IDO2: variants seen among roughly 807,000 people sequenced by gnomAD.
The protein encoded by IDO2 is indoleamine 2,3-dioxygenase-like 1 protein.
A neutral mutation model predicts 45.1 loss-of-function variants in IDO2; 46 were observed. That is an observed-to-expected ratio of 1.02 (90% CI 0.80 to 1.30). The LOEUF is 1.30. IDO2 is among the 50% of genes most tolerant of loss of function. The pLI is 0.00. For missense variants in IDO2, 544 were observed against 491.8 expected, an observed-to-expected ratio of 1.11 and a Z score of -1.00; for synonymous variants, 218 against 184.9, an observed-to-expected ratio of 1.18 and a Z score of -1.45.
At chr8:39,979,332 G>A (rs1359640074) in intron 4 of IDO2, 146 bp downstream of exon 4, 10 of 539,864 alleles carry the variant, frequency 1.9e-5, no homozygotes, top group Non-Finnish European at 2.8e-5. Context: ...AACGATGAAG[G>A]GCTCATTTAT....
At chr8:39,982,625 C>T (rs1348555762) in intron 4 of IDO2, 27 bp from the exon 5 acceptor site, 2 of 1,411,328 alleles carry the variant, frequency 1.4e-6, no homozygotes, top group South Asian at 2.5e-5. Flanking sequence ...CTAGAATATG[C>T]TATTTGTCTG....
chr8:40,011,022 T>A (rs1409707830), intron 9 of IDO2, among the ~76,000 whole-genome samples: 1 of 152,190 alleles, frequency 6.6e-6, no homozygotes, highest in Non-Finnish European at 1.5e-5. Context: ...GCGATACTCC[T>A]GCCTCAGCCT....
chr8:39,961,252 A>G (rs893300179), intron 2 of IDO2, among the ~76,000 whole-genome samples: 63 of 147,314 alleles, frequency 4.3e-4, no homozygotes, highest in African/African-American at 1.6e-3. Flanking sequence ...ACATGGCTTT[A>G]TACACTCTTG....
At chr8:40,010,920 T>C (rs528147236) in intron 9 of IDO2, among the ~76,000 whole-genome samples, 1 of 152,186 alleles carries the variant, frequency 6.6e-6, no homozygotes, top group Non-Finnish European at 1.5e-5. Context: ...GCTTTTCTTT[T>C]TCTTTTTGTG....
intron 1 of IDO2, among the ~76,000 whole-genome samples, chr8:39,943,607 G>A (rs1359628690): frequency 5.9e-5 from 9 of 151,772 alleles, no homozygotes; most frequent in Admixed American, 5.9e-4. Flanking sequence ...CGAGGTGGCT[G>A]GTGCCTGTAG....
chr8:39,990,947 G>C (rs1456704759), intron 8 of IDO2, among the ~76,000 whole-genome samples: 1 of 152,168 alleles, frequency 6.6e-6, no homozygotes, highest in Non-Finnish European at 1.5e-5. Flanking sequence ...ATGTGAGAGA[G>C]GGGTGTGGTT....
chr8:39,978,717 T>C (rs1369404550), intron 3 of IDO2, among the ~76,000 whole-genome samples: 1 of 152,014 alleles, frequency 6.6e-6, no homozygotes, highest in East Asian at 1.9e-4. Context: ...GCAAGACTCC[T>C]AGGAAATAAG....
intron 1 of IDO2, among the ~76,000 whole-genome samples, chr8:39,939,801 G>A (rs1409852562): frequency 6.6e-6 from 1 of 151,666 alleles, no homozygotes; most frequent in Non-Finnish European, 1.5e-5. Context: ...AGTAATTAAT[G>A]AACTGGGCAA....
intron 5 of IDO2, among the ~76,000 whole-genome samples, chr8:39,984,277 C>A (rs1170172922): frequency 6.7e-6 from 1 of 150,246 alleles, no homozygotes; most frequent in Non-Finnish European, 1.5e-5. Context: ...GAGTTTGAGA[C>A]CAGCGTGGCC....
intron 9 of IDO2, among the ~76,000 whole-genome samples, chr8:40,007,391 T>C (rs1585421232): frequency 6.6e-6 from 1 of 152,084 alleles, no homozygotes; most frequent in African/African-American, 2.4e-5. Context: ...GGAATCCTCC[T>C]TGTAGAGGGT....
At chr8:40,002,469 G>C (rs1802152922) in intron 8 of IDO2, among the ~76,000 whole-genome samples, 1 of 152,082 alleles carries the variant, frequency 6.6e-6, no homozygotes, top group South Asian at 2.1e-4. Context: ...CATATAGACT[G>C]TTAGAATCAT....
At chr8:40,013,669 A>T in exon 10 of IDO2, 1 of 1,613,744 alleles carries the variant, frequency 6.2e-7, no homozygotes, top group Non-Finnish European at 8.5e-7. Flanking sequence ...ACAGTGCTTC[A>T]TGCCTTTGAT....
rs769365216 is a variant in IDO2, at chr8:39,979,220, G to A, written c.315+34G>A. ...CAGAGAGCAGCTTCTCCTGTTACCC[G>A]GCAGGTTACCTGCGCCTGGAGTAAC... On this transcript the variant is annotated intron_variant, in intron 4 of 10. Coordinates refer to ENST00000502986, the Ensembl canonical transcript of IDO2. 8.4e-6 allele frequency: 13 copies of A among 1,555,842 alleles called. No individual in the cohort carries two copies. The South Asian group carries it at 1.1e-4, about 13-fold the overall frequency.
At position 39,989,117 on chromosome 8, in the gene IDO2, G is replaced by A. The variant is rs185038933; in HGVS notation, c.550-604G>A. Among the ~76,000 whole-genome samples, 7 of 152,280 alleles carry A rather than the reference G, an allele frequency of 4.6e-5. No individual in the cohort carries two copies. In the East Asian group the frequency reaches 1.4e-3, roughly 29 times the overall value. On this transcript the variant is annotated intron_variant, in intron 7 of 10. Coordinates refer to ENST00000502986, the Ensembl canonical transcript of IDO2. ...GCCTCAGGAAACTTACAGCCATGGA[G>A]GAAAGTGAAGGGGAAGCAAGAACCT...
intron 8 of IDO2, among the ~76,000 whole-genome samples, chr8:39,993,834 C>T (rs1050293602): frequency 1.3e-5 from 2 of 152,004 alleles, no homozygotes; most frequent in Non-Finnish European, 2.9e-5. Context: ...TGGTGAAACC[C>T]CATCTCTAGT....
intron 8 of IDO2, chr8:39,998,635 CTTCTTT>C (rs1266490983): frequency 1.1e-5 from 1 of 92,822 alleles, no homozygotes; most frequent in African/African-American, 3.9e-5. Flanking sequence ...TTTTTTTCTT[CTTCTTT>C]TTTTTTTTTT....
At chr8:39,996,594 T>C (rs1802049908) in intron 8 of IDO2, among the ~76,000 whole-genome samples, 1 of 152,128 alleles carries the variant, frequency 6.6e-6, no homozygotes, top group Non-Finnish European at 1.5e-5. Context: ...ATTCTATCTC[T>C]TTGTCTTGTG....
chr8:39,965,650 A>G (rs1381205013), intron 3 of IDO2, among the ~76,000 whole-genome samples: 2 of 152,164 alleles, frequency 1.3e-5, no homozygotes, highest in Non-Finnish European at 2.9e-5. Context: ...AGCTGAGGTG[A>G]TACTGGATTA....
intron 8 of IDO2, among the ~76,000 whole-genome samples, chr8:40,001,613 A>G (rs968036992): frequency 6.7e-6 from 1 of 148,862 alleles, no homozygotes; most frequent in Non-Finnish European, 1.5e-5. Flanking sequence ...TTTTTTGTAC[A>G]CTCTGAAGGC....
Sources: gnomAD v4.1 joint callset for allele counts (sites outside exome capture counted in the v4.1 genomes callset) on GRCh38, gnomAD v4.1.1 for gene constraint, MANE v1.5 for transcripts, NCBI Gene and HGNC (gene_info 2026-07-23, HGNC 2026-07-21) for gene names.